Variants in OOEP observed in about 807,000 individuals in gnomAD.
OOEP encodes oocyte-expressed protein homolog.
A neutral mutation model predicts 13.7 loss-of-function variants in OOEP; 16 were observed. The ratio of observed to expected loss-of-function variants is 1.16; its 90% CI spans 0.79 to 1.77. The LOEUF (loss-of-function observed/expected upper bound fraction) is 1.77. OOEP is among the 40% of genes most tolerant of loss of function. The pLI is 0.00. For missense variants in OOEP, 195 were observed against 193.1 expected (o/e 1.01, Z -0.06); for synonymous variants, 89 against 77.1 (o/e 1.15, Z -0.81).
chr6:73,370,362 G>A (rs1259416886), upstream of OOEP, among the ~76,000 whole-genome samples: 1 of 152,150 alleles, frequency 6.6e-6, no homozygotes. Flanking sequence ...ACACGTCAGA[G>A]GTGGTCTTAT....
Position 73,392,399 on chromosome 6 carries a change from G to A in OOEP, c.25+1947C>T, listed in dbSNP as rs541652654. 2.6e-5 allele frequency among the ~76,000 whole-genome samples: 4 copies of A among 152,144 alleles called. No homozygotes were observed. In the South Asian group the frequency reaches 8.3e-4, roughly 32 times the overall value. On this transcript the variant is annotated intron_variant, in intron 2 of 3. Transcript: ENST00000370363. ...GCTCACTGCCAACTTCTGCCTCCCA[G>A]GTTCAAGCAATTCTCTCACCTCAGC... is the stretch of plus-strand genomic sequence containing the variant.
At chr6:73,374,064 G>A (rs1040350232), upstream of OOEP, among the ~76,000 whole-genome samples, 18 of 152,054 alleles carry the variant, frequency 1.2e-4, no homozygotes, top group Admixed American at 3.3e-4. Flanking sequence ...GGTGACATGC[G>A]CCTGTAGTCC....
upstream of OOEP, among the ~76,000 whole-genome samples, chr6:73,370,771 A>G (rs757662309): frequency 2.6e-5 from 4 of 152,138 alleles, no homozygotes; most frequent in Admixed American, 6.6e-5. Context: ...ACAATTAACT[A>G]TGTGTTTGTT....
At chr6:73,383,114 A>G (rs1769230652) in intron 2 of OOEP, among the ~76,000 whole-genome samples, 2 of 152,210 alleles carry the variant, frequency 1.3e-5, no homozygotes, top group South Asian at 4.1e-4. Context: ...CTGGGATTAC[A>G]TGTGTGAGCC....
At chr6:73,394,941 G>T (rs373466847) in exon 1 of OOEP, 8 of 1,614,120 alleles carry the variant, frequency 5.0e-6, no homozygotes, top group Non-Finnish European at 6.8e-6. Context: ...AGGCCTCTAC[G>T]TGGGTCGTTG....
chr6:73,387,104 A>G (rs756902229), intron 2 of OOEP, among the ~76,000 whole-genome samples: 10 of 151,448 alleles, frequency 6.6e-5, no homozygotes, highest in Non-Finnish European at 1.3e-4. Flanking sequence ...TTGTTTATAT[A>G]TGTATATATA....
exon 2 of OOEP, chr6:73,394,411 G>A (rs1769408173): frequency 1.4e-6 from 1 of 713,348 alleles, no homozygotes; most frequent in Non-Finnish European, 2.6e-6. Flanking sequence ...CACTTTGGGA[G>A]GCCGAGGCTG....
At chr6:73,376,220 T>C (rs1419263050) in intron 2 of OOEP, among the ~76,000 whole-genome samples, 1 of 152,164 alleles carries the variant, frequency 6.6e-6, no homozygotes, top group Non-Finnish European at 1.5e-5. Flanking sequence ...GCCTGGAGGA[T>C]CTAAGTCACT....
chr6:73,372,550 G>C (rs1412259203), upstream of OOEP, among the ~76,000 whole-genome samples: 1 of 152,072 alleles, frequency 6.6e-6, no homozygotes, highest in African/African-American at 2.4e-5. Context: ...GCTTTGGGGA[G>C]ACCGATAGGC....
rs1308022280 is a variant in OOEP at position 73,368,987 on chromosome 6, C to G, written c.371-124G>C. 3.5e-6 allele frequency: 3 copies of G among 850,804 alleles called. No individual in the cohort carries two copies. The African/African-American group carries it at 5.0e-5, about 14-fold the overall frequency. The allele number at this position is 850,804 out of a possible 1,614,324, so 52.7% of individuals were successfully genotyped here. On this transcript the variant is annotated intron_variant, in intron 2 of 2. Coordinates refer to ENST00000370359, the MANE Select transcript of OOEP (RefSeq NM_001080507.3). ...CGATAGTGCTGTAACCCAGGTGAGG[C>G]TGACTTGGGCAGTGATGGGTCTGAA...
In OOEP at chr6:73,369,068, A is replaced by G. The variant is rs189557461; in HGVS notation, c.370+138T>C. The G allele has an allele frequency of 1.9e-3, 1,800 of 953,196 alleles. 8 individuals are homozygous for G. Among genetic ancestry groups the G allele is most frequent in the Non-Finnish European group, 2.5e-3 (1,617 of 637,850 alleles). 59.0% of individuals were successfully genotyped at this position (953,196 alleles called of 1,614,324 possible). A position where few individuals can be genotyped will look rare whatever the true frequency, so the allele number is the denominator to read the frequency against. On this transcript the variant is annotated intron_variant, in intron 2 of 2. Coordinates refer to ENST00000370359, the MANE Select transcript of OOEP (RefSeq NM_001080507.3). ...TCCTACCCCAGGATCCCCTCCCAACAAACTTCGTACAGCTAGCTCCCTGGG... is the reference window on the plus strand; with the variant it reads ...TCCTACCCCAGGATCCCCTCCCAACGAACTTCGTACAGCTAGCTCCCTGGG...
chr6:73,378,112 C>CTT (rs5877363), intron 2 of OOEP, among the ~76,000 whole-genome samples: 5 of 150,226 alleles, frequency 3.3e-5, no homozygotes, highest in South Asian at 2.1e-4. Context: ...ATTTTTTTTT[C>CTT]TTTTTTTTGA....
chr6:73,375,441 G>A (rs1164790796), intron 2 of OOEP, among the ~76,000 whole-genome samples: 1 of 151,946 alleles, frequency 6.6e-6, no homozygotes, highest in African/African-American at 2.4e-5. Context: ...AACCCGGTGT[G>A]GTGTCTCATG....
upstream of OOEP, chr6:73,373,221 T>G (rs1018343651): frequency 3.3e-5 from 53 of 1,613,034 alleles, no homozygotes; most frequent in Admixed American, 3.3e-5. Context: ...TTTTGTTTCT[T>G]GGCCAGGAAT....
chr6:73,394,338 T>C (rs1769406042), intron 2 of OOEP: 2 of 715,612 alleles, frequency 2.8e-6, no homozygotes, highest in Admixed American at 4.0e-5. Context: ...CTTGTAACAG[T>C]GACTTACCTT....
At chr6:73,381,220 AAAAAAAAAG>A (rs1354013834) in intron 2 of OOEP, among the ~76,000 whole-genome samples, 3 of 132,544 alleles carry the variant, frequency 2.3e-5, no homozygotes, top group Non-Finnish European at 3.5e-5. Flanking sequence ...AAAAAAAAAA[AAAAAAAAAG>A]AAGAAGAAAA....
upstream of OOEP, chr6:73,373,203 G>A (rs891119773): frequency 1.1e-5 from 18 of 1,612,594 alleles, no homozygotes; most frequent in East Asian, 3.1e-4. Flanking sequence ...GGAATGGGAC[G>A]ATTTTGCTTT....
At chr6:73,393,898 T>G (rs984952886) in intron 2 of OOEP, among the ~76,000 whole-genome samples, 1 of 152,220 alleles carries the variant, frequency 6.6e-6, no homozygotes, top group Admixed American at 6.5e-5. Context: ...GTGATCTTTT[T>G]CTCTTCATTT....
At chr6:73,379,961 T>C (rs544338244) in intron 2 of OOEP, among the ~76,000 whole-genome samples, 13 of 152,286 alleles carry the variant, frequency 8.5e-5, no homozygotes, top group Non-Finnish European at 1.3e-4. Context: ...CACACAGATA[T>C]TTAGATAATT....
Sources: gnomAD v4.1 joint callset for allele counts (sites outside exome capture counted in the v4.1 genomes callset) on GRCh38, gnomAD v4.1.1 for gene constraint, MANE v1.5 for transcripts, NCBI Gene and HGNC (gene_info 2026-07-23, HGNC 2026-07-21) for gene names.